The following ZFYVE9 variants were observed in gnomAD, a reference collection of about 807,000 sequenced individuals.
ZFYVE9 encodes zinc finger FYVE domain-containing protein 9.
In ZFYVE9, 43 loss-of-function variants were observed where a neutral mutation model predicts 126.7. The ratio of observed to expected loss-of-function variants is 0.34; its 90% CI spans 0.27 to 0.44. ZFYVE9 has a LOEUF of 0.44. ZFYVE9 is among the 20% of genes least tolerant of loss of function. ZFYVE9 has a pLI of 1.00. For synonymous variants in ZFYVE9, 521 were observed against 597.4 expected (o/e 0.87, Z 1.87); for missense variants, 1,476 against 1,697.0 (o/e 0.87, Z 2.29).
chr1:52,281,611 T>C, intron 9 of ZFYVE9, 50 bp from the exon 10 acceptor site: 1 of 1,596,164 alleles, frequency 6.3e-7, no homozygotes, highest in Middle Eastern at 1.9e-4. Flanking sequence ...TTTTTAAGAG[T>C]AAGGATTGAT....
intron 1 of ZFYVE9, among the ~76,000 whole-genome samples, chr1:52,202,285 G>GT (rs1181085804): frequency 6.7e-6 from 1 of 150,316 alleles, no homozygotes; most frequent in Non-Finnish European, 1.5e-5. Flanking sequence ...TTTTTGTTTT[G>GT]TTTTGTTTTT....
intron 1 of ZFYVE9, among the ~76,000 whole-genome samples, chr1:52,195,089 G>C (rs1250631948): frequency 3.3e-5 from 5 of 152,084 alleles, no homozygotes; most frequent in African/African-American, 4.8e-5. Flanking sequence ...AGTGCTTACT[G>C]CATCTGTAGT....
intron 5 of ZFYVE9, among the ~76,000 whole-genome samples, chr1:52,266,430 AAAAAT>A (rs1645634738): frequency 1.3e-5 from 2 of 150,786 alleles, no homozygotes; most frequent in South Asian, 2.1e-4. Context: ...AAAAAAAAAA[AAAAAT>A]CATGTTACTC....
intron 1 of ZFYVE9, among the ~76,000 whole-genome samples, chr1:52,189,663 G>A (rs1212579139): frequency 3.4e-5 from 5 of 145,134 alleles, no homozygotes; most frequent in African/African-American, 9.9e-5. Context: ...GTGAGCCACC[G>A]CACTTGGCCT....
At chr1:52,211,214 G>A (rs907190267) in intron 1 of ZFYVE9, among the ~76,000 whole-genome samples, 1 of 152,116 alleles carries the variant, frequency 6.6e-6, no homozygotes, top group Non-Finnish European at 1.5e-5. Context: ...TCCATTAGAT[G>A]AGGTAGTTGT....
At chr1:52,281,474 T>C (rs903617996) in intron 9 of ZFYVE9, among the ~76,000 whole-genome samples, 187 bp from the exon 10 acceptor site, 2 of 152,202 alleles carry the variant, frequency 1.3e-5, no homozygotes, top group Non-Finnish European at 2.9e-5. Flanking sequence ...CCAGAGGCAT[T>C]GGCATGTTTT....
chr1:52,176,698 G>T (rs1212327076), intron 1 of ZFYVE9, among the ~76,000 whole-genome samples: 1 of 152,160 alleles, frequency 6.6e-6, no homozygotes, highest in Non-Finnish European at 1.5e-5. Context: ...GGGCAATGGT[G>T]GGCGCCCCTC....
intron 7 of ZFYVE9, among the ~76,000 whole-genome samples, chr1:52,270,796 T>G (rs978217846): frequency 8.2e-5 from 12 of 146,014 alleles, no homozygotes; most frequent in Admixed American, 4.1e-4. Context: ...TATTTGTCTG[T>G]TTTTTTTTTT....
intron 1 of ZFYVE9, among the ~76,000 whole-genome samples, chr1:52,209,054 CA>C (rs1255497834): frequency 2.0e-5 from 3 of 152,112 alleles, no homozygotes; most frequent in Non-Finnish European, 2.9e-5. Context: ...GATACAATGA[CA>C]AAAGAAGCAA....
intron 14 of ZFYVE9, 61 bp from the exon 15 acceptor site, chr1:52,334,627 T>C (rs1451845748): frequency 1.1e-5 from 17 of 1,535,120 alleles, no homozygotes; most frequent in Middle Eastern, 2.2e-4. Flanking sequence ...TATTTTGTTA[T>C]TATTTTCAAT....
chr1:52,283,254 T>C (rs1645822187), intron 10 of ZFYVE9, among the ~76,000 whole-genome samples: 1 of 152,200 alleles, frequency 6.6e-6, no homozygotes, highest in Non-Finnish European at 1.5e-5. Context: ...CAAGTAATTG[T>C]AGATTCATGT....
chr1:52,228,740 G>A (rs1189908403), intron 2 of ZFYVE9, among the ~76,000 whole-genome samples: 3 of 152,040 alleles, frequency 2.0e-5, no homozygotes, highest in African/African-American at 4.8e-5. Flanking sequence ...CCAATGTATC[G>A]TCCATATCCA....
At chr1:52,284,569 G>A (rs1557499972) in intron 10 of ZFYVE9, among the ~76,000 whole-genome samples, 2 of 151,780 alleles carry the variant, frequency 1.3e-5, no homozygotes, top group Admixed American at 6.6e-5. Context: ...ACAGGCGCCC[G>A]CCACCACGCC....
intron 10 of ZFYVE9, among the ~76,000 whole-genome samples, chr1:52,285,676 T>C (rs1645851550): frequency 6.6e-6 from 1 of 152,196 alleles, no homozygotes; most frequent in South Asian, 2.1e-4. Flanking sequence ...CCACTGATTC[T>C]ACATTATGGT....
chr1:52,219,749 T>TGTGTGTGTG (rs1431955734), intron 2 of ZFYVE9, among the ~76,000 whole-genome samples: 18 of 113,270 alleles, frequency 1.6e-4, no homozygotes, highest in African/African-American at 5.9e-4. Flanking sequence ...CCAAGATCTT[T>TGTGTGTGTG]TGTGTGTGTG....
chr1:52,306,038 T>TC (rs1646081036), intron 13 of ZFYVE9, among the ~76,000 whole-genome samples: 7 of 152,162 alleles, frequency 4.6e-5, no homozygotes, highest in Non-Finnish European at 8.8e-5. Context: ...GCAAACACGT[T>TC]CCTGAGCAGA....
At chr1:52,219,151 T>G (rs1035790078) in intron 2 of ZFYVE9, among the ~76,000 whole-genome samples, 1 of 151,672 alleles carries the variant, frequency 6.6e-6, no homozygotes, top group Admixed American at 6.6e-5. Context: ...GTGGTGCTGG[T>G]TTTTCTGGGG....
At chr1:52,281,622 AG>A (rs1228102816) in intron 9 of ZFYVE9, 38 bp from the exon 10 acceptor site, 1 of 1,606,958 alleles carries the variant, frequency 6.2e-7, no homozygotes, top group East Asian at 2.2e-5. Context: ...AAGGATTGAT[AG>A]GAATGTCTTT....
chr1:52,314,723 G>A (rs947321696), intron 13 of ZFYVE9, among the ~76,000 whole-genome samples: 1 of 152,124 alleles, frequency 6.6e-6, no homozygotes, highest in African/African-American at 2.4e-5. Context: ...GGGAGGCTAA[G>A]GCAGGAGAAT....
Sources: allele counts gnomAD v4.1 joint callset (sites outside exome capture counted in the v4.1 genomes callset), GRCh38; gene constraint gnomAD v4.1.1; transcripts MANE v1.5; gene names NCBI Gene and HGNC (gene_info 2026-07-23, HGNC 2026-07-21).